FOXP1: variants seen among roughly 807,000 people sequenced by gnomAD.
FOXP1 encodes the protein forkhead box protein P1.
FOXP1 carries 15 observed loss-of-function variants against 98.2 expected under a neutral mutation model. The observed-to-expected ratio is 0.15, with a 90% CI of 0.10 to 0.24. FOXP1 has a LOEUF of 0.24. Among genes scored for constraint, FOXP1 ranks in the 10% least tolerant of loss-of-function variants. The pLI is 1.00. For synonymous variants in FOXP1, 371 were observed against 314.5 expected (o/e 1.18, Z -1.90); for missense variants, 633 against 848.5 (o/e 0.75, Z 3.15).
At position 71,516,037 on chromosome 3, in the gene FOXP1, T is replaced by C. The variant is rs2042556488; in HGVS notation, c.-297-22482A>G. 2.0e-5 allele frequency among the ~76,000 whole-genome samples: 3 copies of C among 152,120 alleles called. No homozygotes were observed. In the South Asian group the frequency reaches 6.2e-4, roughly 31 times the overall value. ...CAAACTTATAAAAGAGAGTGACAAC[T>C]AAATACAGTACATGATCCTGGATTG... is the stretch of plus-strand genomic sequence containing the variant. On this transcript the variant is annotated intron_variant, in intron 2 of 20. Transcript: ENST00000649528.
At chr3:71,134,294 G>T (rs2059713563) in intron 6 of FOXP1, among the ~76,000 whole-genome samples, 1 of 152,214 alleles carries the variant, frequency 6.6e-6, no homozygotes, top group South Asian at 2.1e-4. Flanking sequence ...AAGGTTTAAT[G>T]ATGGCTCCCC....
chr3:71,467,327 T>C (rs1045479478), intron 3 of FOXP1, among the ~76,000 whole-genome samples: 84 of 152,218 alleles, frequency 5.5e-4, no homozygotes, highest in Middle Eastern at 6.8e-3. Flanking sequence ...TGGAACGAAG[T>C]AGGATTTCAG....
At chr3:71,485,303 A>G (rs976070318) in intron 3 of FOXP1, among the ~76,000 whole-genome samples, 1 of 152,172 alleles carries the variant, frequency 6.6e-6, no homozygotes, top group Non-Finnish European at 1.5e-5. Flanking sequence ...AAGTAGAGAA[A>G]ATAGTAAACC....
chr3:71,490,448 A>C (rs530128153), intron 3 of FOXP1, among the ~76,000 whole-genome samples: 78 of 152,122 alleles, frequency 5.1e-4, no homozygotes, highest in African/African-American at 1.7e-3. Flanking sequence ...CAGTGAGCTG[A>C]GATTGTGCCA....
intron 6 of FOXP1, among the ~76,000 whole-genome samples, chr3:71,197,016 A>G (rs1432575210): frequency 6.6e-6 from 1 of 152,222 alleles, no homozygotes; most frequent in Non-Finnish European, 1.5e-5. Flanking sequence ...AGGAGCTAAC[A>G]GTCTAATCAT....
chr3:71,383,709 G>A (rs184100619), intron 3 of FOXP1, among the ~76,000 whole-genome samples: 28 of 152,262 alleles, frequency 1.8e-4, no homozygotes, highest in Admixed American at 7.2e-4. Context: ...TTGACACATC[G>A]CTTGAAACAT....
chr3:70,969,109 A>T (rs931210408), intron 19 of FOXP1: 1 of 145,568 alleles, frequency 6.9e-6, no homozygotes, highest in Non-Finnish European at 1.5e-5. Flanking sequence ...AATTCAGAGG[A>T]TGGAGGATCA....
intron 6 of FOXP1, among the ~76,000 whole-genome samples, chr3:71,120,283 G>A (rs2058666577): frequency 6.6e-6 from 1 of 152,258 alleles, no homozygotes; most frequent in East Asian, 1.9e-4. Context: ...CCCAAAAGCA[G>A]GTGCAGTAGA....
At chr3:71,462,010 A>G (rs1206156498) in intron 3 of FOXP1, among the ~76,000 whole-genome samples, 1 of 152,198 alleles carries the variant, frequency 6.6e-6, no homozygotes, top group Non-Finnish European at 1.5e-5. Flanking sequence ...CTGAATGCTA[A>G]CAAGGACGTC....
chr3:71,582,354 G>A (rs2048249664), intron 1 of FOXP1: 2 of 971,854 alleles, frequency 2.1e-6, no homozygotes, highest in Non-Finnish European at 1.2e-6. Context: ...GCGGCAACTG[G>A]CAAACTCCTC....
At chr3:71,564,571 C>T (rs1481000654) in intron 2 of FOXP1, among the ~76,000 whole-genome samples, 2 of 152,146 alleles carry the variant, frequency 1.3e-5, no homozygotes, top group Non-Finnish European at 2.9e-5. Context: ...AGTCGCTGCC[C>T]GTAACTACCA....
intron 4 of FOXP1, among the ~76,000 whole-genome samples, chr3:71,327,811 A>C (rs1345076530): frequency 6.6e-6 from 1 of 152,192 alleles, no homozygotes; most frequent in South Asian, 2.1e-4. Context: ...ATCTCAAAGT[A>C]TCTCTAATCT....
intron 6 of FOXP1, among the ~76,000 whole-genome samples, chr3:71,178,135 A>G (rs1170301231): frequency 7.0e-6 from 1 of 141,876 alleles, no homozygotes; most frequent in Non-Finnish European, 1.5e-5. Flanking sequence ...ACACCCAGTC[A>G]GTCTTTTTTT....
At chr3:70,994,726 C>G (rs549157831) in intron 13 of FOXP1, among the ~76,000 whole-genome samples, 1 of 152,314 alleles carries the variant, frequency 6.6e-6, no homozygotes, top group African/African-American at 2.4e-5. Flanking sequence ...CACACCTCCA[C>G]CCCCGTCGCC....
At chr3:71,152,264 C>G (rs2060609041) in intron 6 of FOXP1, among the ~76,000 whole-genome samples, 1 of 152,136 alleles carries the variant, frequency 6.6e-6, no homozygotes, top group South Asian at 2.1e-4. Flanking sequence ...ATTCCACCAA[C>G]AGTTAGTGAG....
intron 11 of FOXP1, among the ~76,000 whole-genome samples, chr3:71,018,891 C>T (rs1330551064): frequency 6.6e-6 from 1 of 152,122 alleles, no homozygotes; most frequent in Non-Finnish European, 1.5e-5. Flanking sequence ...TGTGTGTTTG[C>T]ATATATGTAT....
At chr3:71,483,419 G>A (rs368497013) in intron 3 of FOXP1, among the ~76,000 whole-genome samples, 1 of 152,154 alleles carries the variant, frequency 6.6e-6, no homozygotes, top group Non-Finnish European at 1.5e-5. Context: ...GCCGGTCCTC[G>A]CCACTACTTC....
intron 2 of FOXP1, among the ~76,000 whole-genome samples, chr3:71,528,513 TACTC>T (rs1427967671): frequency 2.0e-5 from 3 of 152,248 alleles, no homozygotes; most frequent in Non-Finnish European, 2.9e-5. Flanking sequence ...CCTCAAAACT[TACTC>T]ACAGTATCAA....
At chr3:71,525,890 C>A (rs1157055334) in intron 2 of FOXP1, among the ~76,000 whole-genome samples, 1 of 151,988 alleles carries the variant, frequency 6.6e-6, no homozygotes, top group Non-Finnish European at 1.5e-5. Context: ...CTGAGACAGG[C>A]AGATCACTTG....
Sources: allele counts gnomAD v4.1 joint callset (sites outside exome capture counted in the v4.1 genomes callset), GRCh38; gene constraint gnomAD v4.1.1; transcripts MANE v1.5; gene names NCBI Gene and HGNC (gene_info 2026-07-23, HGNC 2026-07-21).